NOMO1: variants seen among roughly 807,000 people sequenced by gnomAD.
The protein encoded by NOMO1 is nodal modulator 3.
A neutral mutation model predicts 133.8 loss-of-function variants in NOMO1; 40 were observed. The observed-to-expected ratio is 0.30, with a 90% CI of 0.23 to 0.39. The LOEUF is 0.39. NOMO1 is among the 10% of genes least tolerant of loss of function. The pLI, the probability that NOMO1 is intolerant of heterozygous loss-of-function variation, is 1.00. For missense variants in NOMO1, 462 were observed against 1,419.9 expected (o/e 0.33, Z 10.84); for synonymous variants, 236 against 570.5 (o/e 0.41, Z 8.36).
At chr16:14,837,000 C>T (rs112120604) in intron 1 of NOMO1, among the ~76,000 whole-genome samples, 3,488 of 150,774 alleles carry the variant, frequency 0.023, 2 homozygotes, top group African/African-American at 0.081. Context: ...CCACCGCGCC[C>T]GGCCCCATTT....
At chr16:14,842,641 T>C (rs1193871554) in intron 3 of NOMO1, among the ~76,000 whole-genome samples, 1 of 151,972 alleles carries the variant, frequency 6.6e-6, no homozygotes, top group African/African-American at 2.4e-5. Context: ...AAGATAGCAC[T>C]TCACCAGCAC....
chr16:14,881,631 C>T lies in NOMO1; in HGVS notation c.2973C>T (p.Tyr991=), dbSNP rs149630189. Residue 991 remains tyrosine (Y), a synonymous_variant, in exon 25 of 31, where the codon TAC becomes TAT. Coordinates refer to ENST00000287667, the MANE Select transcript of NOMO1 (RefSeq NM_014287.4). ...TGGGCCAGAACGACTGCAGCATTTA[C>T]GGAGAAGACACCGTGACAGACGAAG... ...EAVGQNDCSI[Y]GEDTVTDEEG... The T allele has an allele frequency of 3.5e-5, 57 of 1,610,992 alleles. No homozygotes were observed. The African/African-American group carries it at 4.2e-4, about 12-fold the overall frequency.
At chr16:14,860,161 A>G (rs1963900900) in intron 11 of NOMO1, among the ~76,000 whole-genome samples, 1 of 151,928 alleles carries the variant, frequency 6.6e-6, no homozygotes, top group Non-Finnish European at 1.5e-5. Context: ...TGAGGTCAGG[A>G]GTTCAAGCCC....
intron 17 of NOMO1, 41 bp from the exon 18 acceptor site, chr16:14,872,193 G>C: frequency 1.6e-6 from 1 of 642,402 alleles, no homozygotes; most frequent in Non-Finnish European, 2.8e-6. Flanking sequence ...GATCTTCTGA[G>C]AATGAGTAGG....
chr16:14,888,962 T>C, intron 28 of NOMO1, 134 bp from the exon 29 acceptor site: 1 of 1,365,004 alleles, frequency 7.3e-7, no homozygotes. Context: ...GCAACCTTGG[T>C]TTGGATGTGT....
At chr16:14,884,654 C>T (rs1262422850) in intron 27 of NOMO1, among the ~76,000 whole-genome samples, 172 bp downstream of exon 27, 4 of 151,858 alleles carry the variant, frequency 2.6e-5, no homozygotes, top group Non-Finnish European at 5.9e-5. Context: ...CCTTGGACCA[C>T]AACACGTATT....
intron 27 of NOMO1, among the ~76,000 whole-genome samples, chr16:14,884,779 T>C (rs761941056): frequency 3.3e-5 from 5 of 152,026 alleles, no homozygotes; most frequent in Non-Finnish European, 7.4e-5. Context: ...ATCAATACAA[T>C]ATGGAATCTA....
At chr16:14,889,250 G>T (rs1292695673) in intron 29 of NOMO1, 35 bp downstream of exon 29, 6 of 1,611,650 alleles carry the variant, frequency 3.7e-6, no homozygotes, top group Non-Finnish European at 5.1e-6. Flanking sequence ...AAAACCCATG[G>T]GCTGGGTTTG....
intron 15 of NOMO1, among the ~76,000 whole-genome samples, chr16:14,867,174 ATATTTTTTTTTT>A (rs1964014249): frequency 5.0e-4 from 7 of 13,932 alleles, no homozygotes; most frequent in African/African-American, 1.1e-3. Flanking sequence ...ATATATATAT[ATATTTTTTTTTT>A]TTTTTTTTTT....
At chr16:14,885,479 G>A (rs908094622) in intron 27 of NOMO1, among the ~76,000 whole-genome samples, 4 of 152,108 alleles carry the variant, frequency 2.6e-5, no homozygotes, top group African/African-American at 9.7e-5. Context: ...ACCCTCTACG[G>A]ATGTTAGTGA....
At chr16:14,837,318 T>C (rs1963532885) in intron 1 of NOMO1, among the ~76,000 whole-genome samples, 1 of 152,120 alleles carries the variant, frequency 6.6e-6, no homozygotes, top group African/African-American at 2.4e-5. Context: ...CGCAAACTGA[T>C]TTTTCTTTGA....
chr16:14,850,187 C>T (rs1158584649), intron 6 of NOMO1, among the ~76,000 whole-genome samples: 3 of 148,994 alleles, frequency 2.0e-5, no homozygotes, highest in Non-Finnish European at 4.5e-5. Context: ...TCTCCTGCCT[C>T]AGCCTCCTGA....
intron 28 of NOMO1, among the ~76,000 whole-genome samples, chr16:14,887,465 T>C (rs1020990399): frequency 6.8e-6 from 1 of 147,462 alleles, no homozygotes; most frequent in Admixed American, 6.8e-5. Flanking sequence ...GGCTAATTCT[T>C]TTTTTTTTTT....
chr16:14,848,660 ACTC>A (rs1304172888), intron 5 of NOMO1: 1 of 423,552 alleles, frequency 2.4e-6, no homozygotes. Flanking sequence ...AGACGTAAGC[ACTC>A]CTCTTTCCGA....
At chr16:14,867,166 ATATATATATATTTTTTTTTTT>A (rs1964011529) in intron 15 of NOMO1, among the ~76,000 whole-genome samples, 1 of 22,922 alleles carries the variant, frequency 4.4e-5, no homozygotes, top group African/African-American at 1.2e-4. Context: ...ATATATATAT[ATATATATATATTTTTTTTTTT>A]TTTTTTTTTT....
chr16:14,838,818 C>G (rs1285751102), intron 2 of NOMO1, among the ~76,000 whole-genome samples: 1 of 150,820 alleles, frequency 6.6e-6, no homozygotes, highest in Admixed American at 6.6e-5. Flanking sequence ...TACGACAGCC[C>G]AGATGTCAGT....
intron 29 of NOMO1, among the ~76,000 whole-genome samples, chr16:14,892,765 C>G (rs1313538461): frequency 2.0e-5 from 3 of 151,152 alleles, no homozygotes; most frequent in Non-Finnish European, 4.4e-5. Flanking sequence ...GCCATTCCTC[C>G]CATTTTCACA....
rs772807092 is a variant in NOMO1, at chr16:14,857,199, T to G, written c.964-18T>G. 5.6e-6 allele frequency: 9 copies of G among 1,605,274 alleles called. No individual in the cohort carries two copies. In the East Asian group the frequency reaches 2.0e-4, roughly 36 times the overall value. ...AGGAGCACCTTCGAGCACCTTCTTC[T>G]TGTTCTTTGTTTTCTAGCCCGTGTT... On this transcript the variant is annotated intron_variant, in intron 9 of 30. Transcript: ENST00000287667.
chr16:14,892,758 A>C (rs1964424832), intron 29 of NOMO1, among the ~76,000 whole-genome samples: 1 of 151,144 alleles, frequency 6.6e-6, no homozygotes, highest in African/African-American at 2.4e-5. Flanking sequence ...CAGGTGTGCC[A>C]TTCCTCCCAT....
Sources: allele counts gnomAD v4.1 joint callset (sites outside exome capture counted in the v4.1 genomes callset), GRCh38; gene constraint gnomAD v4.1.1; transcripts MANE v1.5; gene names NCBI Gene and HGNC (gene_info 2026-07-23, HGNC 2026-07-21).